Variants in PARP16 observed in about 807,000 individuals in gnomAD.
PARP16 encodes the protein poly(ADP-ribose) polymerase family member 16, also known as protein mono-ADP-ribosyltransferase PARP16.
A neutral mutation model predicts 35.0 loss-of-function variants in PARP16; 31 were observed. The observed-to-expected ratio is 0.88, with a 90% CI of 0.66 to 1.19. The LOEUF is 1.19. Ranked by LOEUF, PARP16 falls within the 50% of genes most tolerant of loss-of-function variation. PARP16 has a pLI of 0.00. For synonymous variants in PARP16, 162 were observed against 169.5 expected (o/e 0.96, Z 0.34); for missense variants, 424 against 411.2 (o/e 1.03, Z -0.27).
At chr15:65,269,176 T>TTTTCCTTCTTTC (rs2090007293) in intron 2 of PARP16, among the ~76,000 whole-genome samples, 1 of 146,054 alleles carries the variant, frequency 6.8e-6, no homozygotes, top group Non-Finnish European at 1.5e-5. Context: ...TAGTCGGTTT[T>TTTTCCTTCTTTC]TTTCTTTCTT....
In PARP16 at chr15:65,268,891, ATTACAG is replaced by A. The variant is rs548694806; in HGVS notation, c.312+2038_312+2043del. Among the ~76,000 whole-genome samples the A allele has an allele frequency of 1.4e-4, 22 of 151,970 alleles. No homozygotes were observed. The South Asian group carries it at 4.6e-3, about 32-fold the overall frequency. The stretch of plus-strand genomic sequence containing the variant: ...TACCTCAGCCTCCCGAGCAGCTGGG[ATTACAG>A]GCATGTGCCACAATGCCTGGCTAAT... On this transcript the variant is annotated intron_variant, in intron 2 of 5. Transcript: ENST00000649807.
At chr15:65,243,638 A>G (rs757395315) in intron 3 of PARP16, among the ~76,000 whole-genome samples, 7 of 152,132 alleles carry the variant, frequency 4.6e-5, no homozygotes, top group African/African-American at 9.7e-5. Flanking sequence ...AATATTCTGG[A>G]AGATTTTATA....
downstream of PARP16, among the ~76,000 whole-genome samples, chr15:65,255,292 C>T (rs986369975): frequency 2.0e-5 from 3 of 151,860 alleles, no homozygotes; most frequent in Admixed American, 6.6e-5. Flanking sequence ...TAGTAGGCAC[C>T]GTGCCTAAGG....
chr15:65,265,333 T>C (rs2089855556), intron 3 of PARP16, among the ~76,000 whole-genome samples: 1 of 152,240 alleles, frequency 6.6e-6, no homozygotes, highest in African/African-American at 2.4e-5. Flanking sequence ...GTTTTAATTC[T>C]CTGACATATA....
intron 1 of PARP16, among the ~76,000 whole-genome samples, chr15:65,279,038 T>G (rs1220604843): frequency 1.3e-5 from 2 of 152,150 alleles, no homozygotes; most frequent in Non-Finnish European, 2.9e-5. Context: ...AGATTAGGGA[T>G]CAGAGTCTAC....
At chr15:65,261,115 G>A in intron 4 of PARP16, 89 bp from the exon 5 acceptor site, 1 of 1,286,600 alleles carries the variant, frequency 7.8e-7, no homozygotes. Flanking sequence ...GCCTCCTGGT[G>A]CTGAGGGGGA....
At chr15:65,255,902 G>A (rs923363555), downstream of PARP16, among the ~76,000 whole-genome samples, 1 of 152,054 alleles carries the variant, frequency 6.6e-6, no homozygotes, top group African/African-American at 2.4e-5. Flanking sequence ...GAGACATATA[G>A]CCAGGTCTCG....
chr15:65,280,166 G>C (rs946636968), intron 1 of PARP16, among the ~76,000 whole-genome samples: 3 of 152,124 alleles, frequency 2.0e-5, no homozygotes, highest in African/African-American at 7.2e-5. Context: ...GCCAGGTGTG[G>C]TGGTTCACGC....
intron 1 of PARP16, among the ~76,000 whole-genome samples, chr15:65,284,751 T>C (rs1378914354): frequency 1.3e-5 from 2 of 151,358 alleles, no homozygotes; most frequent in South Asian, 2.1e-4. Context: ...AACTCACCAA[T>C]GACACCAGCT....
intron 1 of PARP16, among the ~76,000 whole-genome samples, chr15:65,276,633 C>T (rs2090265687): frequency 1.3e-5 from 2 of 152,150 alleles, no homozygotes; most frequent in Admixed American, 1.3e-4. Context: ...TCACAAAGTG[C>T]TGGGATTACA....
downstream of PARP16, among the ~76,000 whole-genome samples, chr15:65,233,962 G>C (rs540140555): frequency 6.6e-6 from 1 of 151,834 alleles, no homozygotes; most frequent in South Asian, 2.1e-4. Flanking sequence ...GTTTATTCAG[G>C]GTACTTAGTC....
intron 3 of PARP16, among the ~76,000 whole-genome samples, chr15:65,245,595 G>A (rs754008385): frequency 6.6e-6 from 1 of 152,132 alleles, no homozygotes; most frequent in Non-Finnish European, 1.5e-5. Flanking sequence ...GGAAGCAGCT[G>A]TTTGCAATAA....
intron 3 of PARP16, among the ~76,000 whole-genome samples, chr15:65,239,580 G>A (rs1435025469): frequency 2.7e-5 from 4 of 150,934 alleles, no homozygotes; most frequent in African/African-American, 9.7e-5. Flanking sequence ...CCTAGGCAAT[G>A]ACTGATATGC....
At chr15:65,269,734 C>A (rs2090033839) in intron 2 of PARP16, among the ~76,000 whole-genome samples, 1 of 152,070 alleles carries the variant, frequency 6.6e-6, no homozygotes, top group South Asian at 2.1e-4. Context: ...CTTACTTGGG[C>A]AATACAAAAA....
chr15:65,260,907 A>G lies in PARP16; in HGVS notation c.811T>C (p.Tyr271His). The change falls in exon 5 of 6, where the codon TAT becomes CAT. Residue 271 changes from tyrosine (Y) to histidine (H), a missense_variant. Transcript: ENST00000649807. Reference protein sequence around the residue: ...QLLRVKYLLVYSQKPPKRASS... With the variant: ...QLLRVKYLLVHSQKPPKRASS... ...TACCTCTTGGGTGGCTTCTGTGAAT[A>G]CACCAGGAGGTACTTCACTCGCAGC... The G allele has an allele frequency of 1.2e-6, 2 of 1,613,918 alleles. No homozygotes were observed. The highest frequency in any genetic ancestry group is 2.2e-5 in the South Asian group (2 of 91,050).
At chr15:65,269,205 T>TCTCTCTCTCTCTCTCTCC (rs1567029678) in intron 2 of PARP16, among the ~76,000 whole-genome samples, 7 of 147,290 alleles carry the variant, frequency 4.8e-5, no homozygotes, top group Admixed American at 1.3e-4. Context: ...TCTTTCTTTC[T>TCTCTCTCTCTCTCTCTCC]TTTTTTTTTG....
rs754841469 is a variant in PARP16, at chr15:65,286,522, G to T, written c.-96C>A. 4.2e-6 allele frequency: 4 copies of T among 959,520 alleles called. No individual in the cohort carries two copies. Among genetic ancestry groups the T allele is most frequent in the Non-Finnish European group, 5.8e-6 (4 of 691,114 alleles). The allele number at this position is 959,520 out of a possible 1,614,324, so 59.4% of individuals were successfully genotyped here. A position where few individuals can be genotyped will look rare whatever the true frequency, so the allele number is the denominator to read the frequency against. On this transcript the variant is annotated 5_prime_UTR_variant, in exon 1 of 6. Transcript: ENST00000649807. ...GGGCTGGGCCCGCGGACAATGGGCC[G>T]TCAGGGGCCGGGTTCCCAAGCCTGG...
At chr15:65,240,561 T>A (rs1444657531) in intron 3 of PARP16, among the ~76,000 whole-genome samples, 2 of 152,136 alleles carry the variant, frequency 1.3e-5, no homozygotes, top group Admixed American at 1.3e-4. Context: ...ATTTTGAAAT[T>A]CATCCATGTT....
intron 2 of PARP16, among the ~76,000 whole-genome samples, chr15:65,250,761 G>A (rs2089337994): frequency 6.6e-6 from 1 of 152,154 alleles, no homozygotes; most frequent in Non-Finnish European, 1.5e-5. Context: ...GGGCCCTGAG[G>A]TTTCTGAGGC....
Sources: gnomAD v4.1 joint callset for allele counts (sites outside exome capture counted in the v4.1 genomes callset) on GRCh38, gnomAD v4.1.1 for gene constraint, MANE v1.5 for transcripts, NCBI Gene and HGNC (gene_info 2026-07-23, HGNC 2026-07-21) for gene names.